Variants in CMTM8 observed in about 807,000 individuals in gnomAD.
CMTM8 encodes the protein CKLF-like MARVEL transmembrane domain-containing protein 8.
In CMTM8, 12 loss-of-function variants were observed where a neutral mutation model predicts 18.6. That is an observed-to-expected ratio of 0.65 (90% CI 0.41 to 1.05). The LOEUF (loss-of-function observed/expected upper bound fraction) is 1.05, where lower values mean the gene tolerates loss of function less well. CMTM8 is among the 50% of genes least tolerant of loss of function. CMTM8 has a pLI of 0.00. For synonymous variants in CMTM8, 87 were observed against 90.6 expected (o/e 0.96, Z 0.23); for missense variants, 217 against 227.2 (o/e 0.95, Z 0.29).
chr3:32,332,434 T>G (rs182395585), intron 1 of CMTM8, among the ~76,000 whole-genome samples: 54 of 152,140 alleles, frequency 3.5e-4, no homozygotes, highest in Middle Eastern at 3.4e-3. Flanking sequence ...ACAGTGGGTT[T>G]TGATACCTGG....
chr3:32,314,948 G>A (rs1358351006), intron 1 of CMTM8, among the ~76,000 whole-genome samples: 3 of 151,538 alleles, frequency 2.0e-5, no homozygotes, highest in Non-Finnish European at 4.4e-5. Flanking sequence ...AGTGAACATA[G>A]GTGAAAACTT....
rs371866387 is a variant in CMTM8 at position 32,271,276 on chromosome 3, G to A, written c.147+32157G>A. Among the ~76,000 whole-genome samples the A allele has an allele frequency of 4.6e-5, 7 of 152,094 alleles. No homozygotes were observed. In the South Asian group the frequency reaches 8.3e-4, roughly 18 times the overall value. ...TGAGTAGCTGGGATTATAGGCATGC[G>A]CCACCACGCCCGGTAATTTTGTATT... On this transcript the variant is annotated intron_variant, in intron 1 of 3. Coordinates refer to ENST00000307526, the MANE Select transcript of CMTM8 (RefSeq NM_178868.5).
intron 2 of CMTM8, among the ~76,000 whole-genome samples, chr3:32,361,291 T>TTTTTTGTTTTTTTGTTTTTTTG (rs1314833356): frequency 4.9e-4 from 73 of 148,648 alleles, no homozygotes; most frequent in East Asian, 1.8e-3. Context: ...TAAGAGTTTT[T>TTTTTTGTTTTTTTGTTTTTTTG]TTTTCTTTCA....
intron 1 of CMTM8, among the ~76,000 whole-genome samples, chr3:32,354,713 C>G (rs1297571057): frequency 1.3e-5 from 2 of 152,098 alleles, no homozygotes. Context: ...GTGAATCATC[C>G]ACAAAGGGCC....
chr3:32,275,176 G>A (rs1702496911), intron 1 of CMTM8, among the ~76,000 whole-genome samples: 1 of 151,300 alleles, frequency 6.6e-6, no homozygotes, highest in South Asian at 2.1e-4. Context: ...GGCTAACTTG[G>A]GTGTTTGGTT....
intron 3 of CMTM8, among the ~76,000 whole-genome samples, chr3:32,368,558 T>C (rs918553030): frequency 6.6e-6 from 1 of 151,714 alleles, no homozygotes; most frequent in African/African-American, 2.4e-5. Flanking sequence ...ACTCCTCAGC[T>C]TGAGCCATCC....
chr3:32,239,692 G>A (rs576417133), intron 1 of CMTM8, among the ~76,000 whole-genome samples: 1 of 152,298 alleles, frequency 6.6e-6, no homozygotes, highest in East Asian at 1.9e-4. Flanking sequence ...TTCCTGGGAA[G>A]GAGGCAGGGC....
At chr3:32,262,424 A>T (rs1702271265) in intron 1 of CMTM8, among the ~76,000 whole-genome samples, 1 of 152,176 alleles carries the variant, frequency 6.6e-6, no homozygotes, top group Non-Finnish European at 1.5e-5. Flanking sequence ...AGTAAGGCAC[A>T]CTGCAAGGGG....
At chr3:32,308,163 C>T (rs1486205486) in intron 1 of CMTM8, among the ~76,000 whole-genome samples, 1 of 152,218 alleles carries the variant, frequency 6.6e-6, no homozygotes, top group Non-Finnish European at 1.5e-5. Flanking sequence ...CCTTCGCACT[C>T]TACCGACTCC....
chr3:32,315,994 C>T (rs367687945), intron 1 of CMTM8, among the ~76,000 whole-genome samples: 2 of 125,846 alleles, frequency 1.6e-5, no homozygotes, highest in African/African-American at 2.9e-5. Context: ...TAAAATTTTA[C>T]TTGATCTTTT....
intron 1 of CMTM8, among the ~76,000 whole-genome samples, chr3:32,250,804 G>A (rs1340754667): frequency 6.6e-6 from 1 of 151,822 alleles, no homozygotes; most frequent in Non-Finnish European, 1.5e-5. Flanking sequence ...TGTTGCCCAG[G>A]CTGGTCTCGA....
chr3:32,248,337 G>A (rs1273533632), intron 1 of CMTM8, among the ~76,000 whole-genome samples: 1 of 151,940 alleles, frequency 6.6e-6, no homozygotes, highest in Non-Finnish European at 1.5e-5. Flanking sequence ...TGCCTATTAC[G>A]AATAATGCTG....
At chr3:32,243,869 C>G (rs1026021570) in intron 1 of CMTM8, 1 of 158,708 alleles carries the variant, frequency 6.3e-6, no homozygotes, top group African/African-American at 2.4e-5. Flanking sequence ...CTCATTGATG[C>G]CTCTCTTCAG....
At chr3:32,313,303 G>A (rs1411790552) in intron 1 of CMTM8, among the ~76,000 whole-genome samples, 2 of 152,082 alleles carry the variant, frequency 1.3e-5, no homozygotes, top group South Asian at 2.1e-4. Flanking sequence ...GAACAGGGTG[G>A]GGCCTTGGAA....
chr3:32,307,407 C>G (rs994026773), intron 1 of CMTM8, among the ~76,000 whole-genome samples: 3 of 152,058 alleles, frequency 2.0e-5, no homozygotes, highest in African/African-American at 7.2e-5. Flanking sequence ...AAGCAGGAGT[C>G]TAGGATGACT....
At chr3:32,349,511 G>C (rs77260595) in intron 1 of CMTM8, among the ~76,000 whole-genome samples, 2 of 151,930 alleles carry the variant, frequency 1.3e-5, no homozygotes, top group African/African-American at 2.4e-5. Context: ...AGACTGTTTC[G>C]TTTTACCTTA....
At chr3:32,325,147 T>G (rs958739747) in intron 1 of CMTM8, among the ~76,000 whole-genome samples, 1 of 152,256 alleles carries the variant, frequency 6.6e-6, no homozygotes, top group African/African-American at 2.4e-5. Context: ...GGGTAGCATA[T>G]TCTGCCATCC....
intron 1 of CMTM8, among the ~76,000 whole-genome samples, chr3:32,271,345 A>G (rs1702436548): frequency 6.6e-6 from 1 of 152,140 alleles, no homozygotes; most frequent in African/African-American, 2.4e-5. Context: ...GGCTGGTCTC[A>G]TCGACCTCGG....
At chr3:32,270,093 A>T (rs185393239) in intron 1 of CMTM8, among the ~76,000 whole-genome samples, 73 of 147,578 alleles carry the variant, frequency 4.9e-4, no homozygotes, top group African/African-American at 1.3e-3. Flanking sequence ...ATTAAAAAAA[A>T]TTTTTTTGTG....
Sources: allele counts gnomAD v4.1 joint callset (sites outside exome capture counted in the v4.1 genomes callset), GRCh38; gene constraint gnomAD v4.1.1; transcripts MANE v1.5; gene names NCBI Gene and HGNC (gene_info 2026-07-23, HGNC 2026-07-21).